EPS15: variants seen among roughly 807,000 people sequenced by gnomAD.
The protein encoded by EPS15 is epidermal growth factor receptor substrate 15.
Under a neutral mutation model 113.8 loss-of-function variants are expected in EPS15, and 72 were observed. The ratio of observed to expected loss-of-function variants is 0.63; its 90% CI spans 0.52 to 0.77. The LOEUF (loss-of-function observed/expected upper bound fraction) is 0.77, where lower values mean the gene tolerates loss of function less well. Among genes scored for constraint, EPS15 ranks in the 30% least tolerant of loss-of-function variants. The pLI, the probability that EPS15 is intolerant of heterozygous loss-of-function variation, is 0.00. For synonymous variants in EPS15, 344 were observed against 363.4 expected (o/e 0.95, Z 0.61); for missense variants, 1,048 against 1,045.8 (o/e 1.00, Z -0.03).
intron 1 of EPS15, among the ~76,000 whole-genome samples, chr1:51,511,418 C>A (rs1017733665): frequency 4.0e-5 from 6 of 149,506 alleles, no homozygotes; most frequent in Non-Finnish European, 3.0e-5. Context: ...ATTGCTTGAA[C>A]CCAGGGGTGG....
chr1:51,395,963 TA>T (rs924299072), intron 20 of EPS15, among the ~76,000 whole-genome samples: 1 of 152,184 alleles, frequency 6.6e-6, no homozygotes, highest in East Asian at 1.9e-4. Flanking sequence ...ATCTCCAAGT[TA>T]AAAAAATTAA....
At chr1:51,400,208 G>A (rs928031918) in intron 19 of EPS15, among the ~76,000 whole-genome samples, 1 of 152,282 alleles carries the variant, frequency 6.6e-6, no homozygotes, top group Non-Finnish European at 1.5e-5. Context: ...CAAAAAGCCT[G>A]ATGTTTTAGT....
chr1:51,446,412 G>A (rs1653050031), intron 10 of EPS15, among the ~76,000 whole-genome samples: 1 of 151,134 alleles, frequency 6.6e-6, no homozygotes, highest in Non-Finnish European at 1.5e-5. Flanking sequence ...AACAGAAGCT[G>A]GATTTTAACA....
At chr1:51,390,242 T>C in intron 21 of EPS15, among the ~76,000 whole-genome samples, 1 of 151,996 alleles carries the variant, frequency 6.6e-6, no homozygotes, top group Admixed American at 6.6e-5. Flanking sequence ...TAAATGGTGC[T>C]GGGAAAACTG....
intron 21 of EPS15, 31 bp from the exon 22 acceptor site, chr1:51,366,060 G>A (rs774189817): frequency 2.0e-6 from 3 of 1,518,828 alleles, no homozygotes; most frequent in Non-Finnish European, 2.7e-6. Context: ...AAATGAAACA[G>A]GACAGTAAGA....
At chr1:51,376,257 T>C (rs955769402) in intron 21 of EPS15, among the ~76,000 whole-genome samples, 1 of 152,286 alleles carries the variant, frequency 6.6e-6, no homozygotes, top group Non-Finnish European at 1.5e-5. Context: ...AAATTGACAG[T>C]AGAAATAAAA....
At chr1:51,433,507 A>C (rs764359839) in intron 12 of EPS15, among the ~76,000 whole-genome samples, 2 of 152,264 alleles carry the variant, frequency 1.3e-5, no homozygotes, top group Non-Finnish European at 2.9e-5. Context: ...ATTAGAAGTA[A>C]GAGTTGGCCT....
At chr1:51,405,505 T>C (rs189794273) in intron 16 of EPS15, among the ~76,000 whole-genome samples, 1 of 152,128 alleles carries the variant, frequency 6.6e-6, no homozygotes, top group Non-Finnish European at 1.5e-5. Context: ...GAAACCAGCC[T>C]GGCCAACATG....
At chr1:51,516,861 C>A (rs1268266077) in intron 1 of EPS15, among the ~76,000 whole-genome samples, 1 of 152,238 alleles carries the variant, frequency 6.6e-6, no homozygotes, top group African/African-American at 2.4e-5. Context: ...TAATTACTTT[C>A]TTCCAGATAG....
At chr1:51,391,230 C>T (rs180880346) in intron 21 of EPS15, among the ~76,000 whole-genome samples, 4,855 of 151,832 alleles carry the variant, frequency 0.032, 126 homozygotes, top group Non-Finnish European at 0.05. Context: ...AACCAAACAC[C>T]GCATGTTCTC....
Position 51,488,997 on chromosome 1 carries a change from A to C in EPS15, c.34-7683T>G, listed in dbSNP as rs147229686. On this transcript the variant is annotated intron_variant, in intron 1 of 24. Transcript: ENST00000371733. Reference sequence around the variant, plus strand: ...GGATTGCGACGGAAAACATGGGAAAAATACAGCAACACGAGAAAAAAAGCC... The same window carrying C: ...GGATTGCGACGGAAAACATGGGAAACATACAGCAACACGAGAAAAAAAGCC... Among the ~76,000 whole-genome samples, 142 of 152,164 alleles carry C rather than the reference A, an allele frequency of 9.3e-4. 1 individual carries two copies. Among genetic ancestry groups the C allele is most frequent in the African/African-American group, 3.3e-3 (137 of 41,506 alleles).
intron 12 of EPS15, chr1:51,423,341 C>T: frequency 2.5e-6 from 3 of 1,182,784 alleles, no homozygotes; most frequent in African/African-American, 3.2e-5. Flanking sequence ...CCCCCACCTC[C>T]AACCCTTATA....
chr1:51,480,342 C>G (rs1326984219), intron 2 of EPS15, among the ~76,000 whole-genome samples: 1 of 152,182 alleles, frequency 6.6e-6, no homozygotes, highest in Non-Finnish European at 1.5e-5. Flanking sequence ...ATCGTCTGAT[C>G]TATGGTATGC....
At chr1:51,501,481 G>T (rs921043152) in intron 1 of EPS15, among the ~76,000 whole-genome samples, 10 of 151,716 alleles carry the variant, frequency 6.6e-5, no homozygotes, top group Non-Finnish European at 1.3e-4. Flanking sequence ...TTTTTTGTGG[G>T]TTTTTTGTGG....
chr1:51,382,804 A>G (rs541304422), intron 21 of EPS15, among the ~76,000 whole-genome samples: 2 of 152,230 alleles, frequency 1.3e-5, no homozygotes, highest in Non-Finnish European at 2.9e-5. Flanking sequence ...GAATTCTACC[A>G]AACATTTAAA....
chr1:51,455,101 G>A (rs968712858), intron 8 of EPS15, among the ~76,000 whole-genome samples: 4 of 151,786 alleles, frequency 2.6e-5, no homozygotes, highest in East Asian at 3.9e-4. Flanking sequence ...CTAGATTTAC[G>A]GGCCTTTTCT....
At chr1:51,482,439 T>G (rs1168191700) in intron 1 of EPS15, among the ~76,000 whole-genome samples, 1 of 152,026 alleles carries the variant, frequency 6.6e-6, no homozygotes, top group African/African-American at 2.4e-5. Context: ...ATTATAAAAT[T>G]TTGTAGAAGA....
At chr1:51,442,546 A>T (rs1652673950) in intron 11 of EPS15, among the ~76,000 whole-genome samples, 1 of 152,128 alleles carries the variant, frequency 6.6e-6, no homozygotes, top group Admixed American at 6.5e-5. Context: ...GGTATATGAG[A>T]AAAAATATGT....
intron 12 of EPS15, among the ~76,000 whole-genome samples, chr1:51,435,881 A>G (rs976026041): frequency 6.6e-6 from 1 of 152,218 alleles, no homozygotes; most frequent in African/African-American, 2.4e-5. Context: ...AGAAGAGACA[A>G]TATTTAAGAC....
Sources: allele counts gnomAD v4.1 joint callset (sites outside exome capture counted in the v4.1 genomes callset), GRCh38; gene constraint gnomAD v4.1.1; transcripts MANE v1.5; gene names NCBI Gene and HGNC (gene_info 2026-07-23, HGNC 2026-07-21).